NALCN: variants seen among roughly 807,000 people sequenced by gnomAD.
NALCN encodes sodium leak channel, non-selective.
NALCN carries 111 observed loss-of-function variants against 225.3 expected under a neutral mutation model. The ratio of observed to expected loss-of-function variants is 0.49; its 90% CI spans 0.42 to 0.58. NALCN has a LOEUF of 0.58. Ranked by LOEUF, NALCN falls within the 20% of genes least tolerant of loss-of-function variation. The pLI is 0.00. For missense variants in NALCN, 1,378 were observed against 2,202.4 expected, an observed-to-expected ratio of 0.63 and a Z score of 7.49; for synonymous variants, 764 against 769.0, an observed-to-expected ratio of 0.99 and a Z score of 0.11.
At chr13:101,083,331 T>G (rs974246294) in intron 31 of NALCN, 133 bp from the exon 32 acceptor site, 6 of 750,308 alleles carry the variant, frequency 8.0e-6, no homozygotes, top group Non-Finnish European at 1.3e-5. Context: ...TATTGTGAGG[T>G]GTTTTTGCAG....
intron 10 of NALCN, among the ~76,000 whole-genome samples, chr13:101,279,463 CTTTTAA>C (rs1045010540): frequency 6.6e-6 from 1 of 152,160 alleles, no homozygotes; most frequent in African/African-American, 2.4e-5. Flanking sequence ...TAAACTCTTC[CTTTTAA>C]TTTTATTTCC....
At chr13:101,303,749 A>G (rs766853971) in intron 7 of NALCN, among the ~76,000 whole-genome samples, 1 of 152,136 alleles carries the variant, frequency 6.6e-6, no homozygotes, top group Non-Finnish European at 1.5e-5. Flanking sequence ...CATTAGGCAC[A>G]TTGGCAAGAC....
chr13:101,350,768 T>A (rs1044038757), intron 6 of NALCN, among the ~76,000 whole-genome samples: 1 of 152,174 alleles, frequency 6.6e-6, no homozygotes, highest in African/African-American at 2.4e-5. Context: ...CCCTCCATAA[T>A]GTGAGTGGGA....
intron 27 of NALCN, among the ~76,000 whole-genome samples, chr13:101,100,046 C>T (rs575839749): frequency 1.4e-4 from 22 of 152,178 alleles, no homozygotes; most frequent in Admixed American, 9.2e-4. Flanking sequence ...GAGAAAGAAA[C>T]GCCGTAGTGC....
At chr13:101,141,648 T>G (rs1594293107) in intron 17 of NALCN, among the ~76,000 whole-genome samples, 51 of 119,738 alleles carry the variant, frequency 4.3e-4, no homozygotes, top group South Asian at 8.0e-4. Context: ...AAGGGGGAGG[T>G]GAAAAAGGAG....
At chr13:101,378,492 T>C in intron 4 of NALCN, 78 bp downstream of exon 4, 4 of 1,066,556 alleles carry the variant, frequency 3.8e-6, no homozygotes, top group Non-Finnish European at 5.4e-6. Context: ...TTTTGTAATA[T>C]TTCTATTTAG....
chr13:101,385,927 C>T (rs1022417334), intron 3 of NALCN, among the ~76,000 whole-genome samples: 2 of 152,188 alleles, frequency 1.3e-5, no homozygotes, highest in Non-Finnish European at 2.9e-5. Flanking sequence ...TAATTAGAAG[C>T]CTTTATTATT....
chr13:101,121,311 C>A (rs546240218), intron 18 of NALCN, among the ~76,000 whole-genome samples: 1 of 152,212 alleles, frequency 6.6e-6, no homozygotes, highest in Non-Finnish European at 1.5e-5. Flanking sequence ...AACCTTAAGT[C>A]AAGGGGTTGC....
At chr13:101,222,465 C>T (rs1184436541) in intron 13 of NALCN, among the ~76,000 whole-genome samples, 3 of 152,118 alleles carry the variant, frequency 2.0e-5, no homozygotes, top group East Asian at 3.9e-4. Context: ...ATTGAAAGTT[C>T]TCCTACCATG....
chr13:101,209,496 ATTTGT>A (rs1269724670), intron 13 of NALCN, among the ~76,000 whole-genome samples: 3 of 152,148 alleles, frequency 2.0e-5, no homozygotes, highest in African/African-American at 7.2e-5. Flanking sequence ...TTCCATCTTA[ATTTGT>A]TTTATTTTTA....
At chr13:101,118,146 T>C (rs1001876174) in intron 18 of NALCN, among the ~76,000 whole-genome samples, 1 of 152,114 alleles carries the variant, frequency 6.6e-6, no homozygotes, top group Admixed American at 6.6e-5. Flanking sequence ...GATGGGGATG[T>C]TGATAGTTGG....
chr13:101,397,113 T>TACACAC (rs1436305962), intron 2 of NALCN, among the ~76,000 whole-genome samples: 3 of 112,958 alleles, frequency 2.7e-5, no homozygotes, highest in African/African-American at 6.4e-5. Context: ...TATATATACA[T>TACACAC]ACACATACAT....
chr13:101,379,622 A>G (rs1282076439), intron 3 of NALCN, among the ~76,000 whole-genome samples: 1 of 152,160 alleles, frequency 6.6e-6, no homozygotes, highest in Non-Finnish European at 1.5e-5. Flanking sequence ...AGGAACAGAA[A>G]ACCAAACACT....
At chr13:101,329,219 T>C (rs1056375061) in intron 7 of NALCN, among the ~76,000 whole-genome samples, 5 of 152,348 alleles carry the variant, frequency 3.3e-5, no homozygotes, top group African/African-American at 1.2e-4. Context: ...GGACATAAGA[T>C]GGTAAGAATT....
At chr13:101,139,291 A>G (rs2139769751) in intron 17 of NALCN, among the ~76,000 whole-genome samples, 1 of 152,282 alleles carries the variant, frequency 6.6e-6, no homozygotes, top group East Asian at 1.9e-4. Flanking sequence ...TGTTTTCTGC[A>G]ATGCTTCATC....
chr13:101,165,826 A>G (rs1286773820), intron 15 of NALCN, among the ~76,000 whole-genome samples: 2 of 152,202 alleles, frequency 1.3e-5, no homozygotes, highest in Admixed American at 6.5e-5. Context: ...ACATACTCAC[A>G]TTGTTGTACA....
chr13:101,307,634 G>A (rs9518366), intron 7 of NALCN, among the ~76,000 whole-genome samples: 35,889 of 152,062 alleles, frequency 0.24, 5,084 homozygotes, highest in South Asian at 0.32. Context: ...TACTTTGTGA[G>A]AGCAAAAATT....
At chr13:101,064,559 TACAC>T (rs57799563) in intron 40 of NALCN, among the ~76,000 whole-genome samples, 8 of 148,302 alleles carry the variant, frequency 5.4e-5, no homozygotes, top group East Asian at 2.0e-4. Flanking sequence ...TGAACATAGA[TACAC>T]ACACACACAC....
rs2045385825 is a variant in NALCN, at chr13:101,336,612, C to T, written c.799+8654G>A. ...TGTGGAGCTGACGACTTGTAGTTTT[C>T]TTATCTAATATTTTAAGGAGGATAT... is the stretch of plus-strand genomic sequence containing the variant. On this transcript the variant is annotated intron_variant, in intron 7 of 43. Transcript: ENST00000251127. 3.3e-5 allele frequency among the ~76,000 whole-genome samples: 5 copies of T among 152,102 alleles called. 1 individual carries two copies. In the South Asian group the frequency reaches 1.0e-3, roughly 32 times the overall value.
Sources: gnomAD v4.1 joint callset for allele counts (sites outside exome capture counted in the v4.1 genomes callset) on GRCh38, gnomAD v4.1.1 for gene constraint, MANE v1.5 for transcripts, NCBI Gene and HGNC (gene_info 2026-07-23, HGNC 2026-07-21) for gene names.